The following ZAP70 variants were observed in gnomAD, a reference collection of about 807,000 sequenced individuals.
ZAP70 encodes the protein zeta chain of T cell receptor associated protein kinase 70.
ZAP70 carries 27 observed loss-of-function variants against 65.8 expected under a neutral mutation model. The ratio of observed to expected loss-of-function variants is 0.41; its 90% CI spans 0.30 to 0.57. The LOEUF is 0.57. ZAP70 is among the 20% of genes least tolerant of loss of function. ZAP70 has a pLI of 0.28. For missense variants in ZAP70, 696 were observed against 870.5 expected (o/e 0.80, Z 2.52); for synonymous variants, 363 against 360.8 (o/e 1.01, Z -0.07).
chr2:97,735,460 A>G lies in ZAP70; in HGVS notation c.1289+4A>G, dbSNP rs1553576289. On this transcript the variant is annotated splice_donor_region_variant and intron_variant, in intron 10 of 13. Coordinates refer to ENST00000264972, the MANE Select transcript of ZAP70 (RefSeq NM_001079.4). ...ACAAGTTCCTGGTCGGCAAGAGGTG[A>G]GCACCGGGTGGGCCCGGCCATCGGG... The G allele has an allele frequency of 6.2e-7, 1 of 1,607,222 alleles. No homozygotes were observed. Among genetic ancestry groups the G allele is most frequent in the Non-Finnish European group, 8.5e-7 (1 of 1,175,450 alleles).
At position 97,738,109 on chromosome 2, in the gene ZAP70, T is replaced by C; in HGVS notation, c.1736+2T>C. On this transcript the variant is annotated splice_donor_variant, in intron 13 of 13. Transcript: ENST00000264972. LOFTEE classifies it high-confidence loss of function. ...CATGAGTGACTGCTGGATCTACAAG[T>C]GAGTGCCAGTGGGGAGGGGACCCGG... 6.3e-7 allele frequency: 1 copy of C among 1,592,266 alleles called. No individual in the cohort carries two copies.
At position 97,737,595 on chromosome 2, in the gene ZAP70, A is replaced by G. The variant is rs1176359520; in HGVS notation, c.1412A>G (p.Asn471Ser). ...GCGGCCCGCAACGTCCTGCTGGTTA[A>G]CCGGCACTACGCCAAGATCAGCGAC... ...DLAARNVLLV[N>S]RHYAKISDFG... is the part of the protein sequence containing the mutation. The change falls in exon 11 of 14, where the codon AAC (asparagine) becomes AGC (serine). Residue 471 changes from asparagine (N) to serine (S), a missense_variant. Asn to Ser is a conservative substitution (Grantham distance 46). Around this residue, in one of 3 missense-constraint regions of ZAP70, gnomAD observed 67 missense variants for 151.9 expected, o/e 0.44. Coordinates refer to ENST00000264972, the MANE Select transcript of ZAP70 (RefSeq NM_001079.4). This position sits in a 1 kb window ranked among gnomAD's most constrained non-coding sequence, Gnocchi z 5.0. The G allele has an allele frequency of 6.2e-7, 1 of 1,614,124 alleles. No homozygotes were observed. Among genetic ancestry groups the G allele is most frequent in the Non-Finnish European group, 8.5e-7 (1 of 1,179,994 alleles).
intron 2 of ZAP70, among the ~76,000 whole-genome samples, chr2:97,723,449 C>T (rs1487412432): frequency 3.3e-5 from 5 of 152,246 alleles, no homozygotes; most frequent in Non-Finnish European, 7.3e-5. Context: ...AAGTTGGCTC[C>T]TCCTCCTTCA....
In ZAP70 at chr2:97,721,481, T is replaced by C. The variant is rs148918231; in HGVS notation, c.-21-2535T>C. ...CAGGCTGGAGTGCAATGGCGTGACC[T>C]CAGCTCACTGCAAGCTCTGCCTCCT... is the stretch of plus-strand genomic sequence containing the variant. On this transcript the variant is annotated intron_variant, in intron 2 of 13. Coordinates refer to ENST00000264972, the MANE Select transcript of ZAP70 (RefSeq NM_001079.4). Among the ~76,000 whole-genome samples, 293 of 151,796 alleles carry C rather than the reference T, an allele frequency of 1.9e-3. 2 individuals are homozygous for C. The highest frequency in any genetic ancestry group is 6.8e-3 in the African/African-American group (283 of 41,384).
At chr2:97,754,309 G>T in the ZAP70 span, among the ~76,000 whole-genome samples, 1 of 150,816 alleles carries the variant, frequency 6.6e-6, no homozygotes, top group Non-Finnish European at 1.5e-5. Context: ...AGTTTGGTCG[G>T]GGGGGGTCTC....
chr2:97,734,695 C>A lies in ZAP70; in HGVS notation c.1065C>A (p.Gly355=), dbSNP rs201207626. The change falls in exon 9 of 14, where the codon GGC becomes GGA. Residue 355 remains glycine (G), a synonymous_variant. Transcript: ENST00000264972. ...GCGNFGSVRQ[G]VYRMRKKQID... is the part of the protein sequence containing the mutation. ...GCAACTTTGGCTCAGTGCGCCAGGG[C>A]GTGTACCGCATGCGCAAGTATGGCC... 1.9e-6 allele frequency: 3 copies of A among 1,613,962 alleles called. No homozygotes were observed. The highest frequency in any genetic ancestry group is 2.5e-6 in the Non-Finnish European group (3 of 1,180,012).
chr2:97,720,793 C>A (rs573236134), intron 2 of ZAP70, among the ~76,000 whole-genome samples: 188 of 152,312 alleles, frequency 1.2e-3, no homozygotes, highest in Non-Finnish European at 2.1e-3. Flanking sequence ...TCAAGCTTGG[C>A]CCTCCCAACC....
chr2:97,737,349 T>G lies in ZAP70; in HGVS notation c.1290-124T>G. The stretch of plus-strand genomic sequence containing the variant: ...CCCACGCCTGGCACACAGCAGGTGC[T>G]CAATAAGCGTTTTTGAACACATGGT... On this transcript the variant is annotated intron_variant, in intron 10 of 13. Transcript: ENST00000264972. This position sits in a 1 kb window ranked among gnomAD's most constrained non-coding sequence, Gnocchi z 5.0. 1 of 995,978 alleles carries G rather than the reference T, an allele frequency of 1.0e-6. No individual in the cohort carries two copies. Among genetic ancestry groups the G allele is most frequent in the Non-Finnish European group, 1.6e-6 (1 of 643,436 alleles). The allele number at this position is 995,978 out of a possible 1,614,324, so 61.7% of individuals were successfully genotyped here.
Position 97,738,085 on chromosome 2 carries a change from A to C in ZAP70, c.1714A>C (p.Met572Leu). The change falls in exon 13 of 14, where the codon ATG (methionine) becomes CTG (leucine). Residue 572 changes from methionine (M) to leucine (L), a missense_variant. Around this residue, in one of 3 missense-constraint regions of ZAP70, gnomAD observed 78 missense variants for 88.6 expected, o/e 0.88. Transcript: ENST00000264972. ...GTGTCCACCCGAACTGTACGCACTC[A>C]TGAGTGACTGCTGGATCTACAAGTG... ...PECPPELYAL[M>L]SDCWIYKWED... 1.2e-6 allele frequency: 2 copies of C among 1,605,716 alleles called. No homozygotes were observed. The highest frequency in any genetic ancestry group is 1.7e-6 in the Non-Finnish European group (2 of 1,175,738).
rs1294385260 is a variant in ZAP70, at chr2:97,715,863, G to T, written c.-22+1869G>T. Among the ~76,000 whole-genome samples, 1 of 152,248 alleles carries T rather than the reference G, an allele frequency of 6.6e-6. No individual in the cohort carries two copies. On this transcript the variant is annotated intron_variant, in intron 2 of 13. Transcript: ENST00000264972. The surrounding 1 kb of genome is among the most constrained non-coding windows in gnomAD (Gnocchi z 4.1). The stretch of plus-strand genomic sequence containing the variant: ...CAGTCCCCAGCACAGAGGCTGTTGT[G>T]ATTGTCCTTACACACTTGACAAATA...
rs58292075 is a variant in ZAP70, at chr2:97,736,177, AT to A, written c.1289+734del. 4.3e-3 allele frequency among the ~76,000 whole-genome samples: 637 copies of A among 146,996 alleles called. 3 individuals are homozygous for A. The highest frequency in any genetic ancestry group is 0.012 in the East Asian group (62 of 5,050). On this transcript the variant is annotated intron_variant, in intron 10 of 13. Coordinates refer to ENST00000264972, the MANE Select transcript of ZAP70 (RefSeq NM_001079.4). This position sits in a 1 kb window ranked among gnomAD's most constrained non-coding sequence, Gnocchi z 4.0. Reference sequence around the variant, plus strand: ...CGTGCTGCGTGGTTTTCTATTTTTAATTTTTTTTTTTTTAAAGAAACAAAAA... The same window carrying A: ...CGTGCTGCGTGGTTTTCTATTTTTAATTTTTTTTTTTTAAAGAAACAAAAA...
chr2:97,727,317 G>A lies in ZAP70; in HGVS notation c.563+2065G>A, dbSNP rs534316667. Reference sequence around the variant, plus strand: ...GAAGCAAGTTGTCGTGAAGGTATGGGCATTGTGAACATGGGTGTTGGGGGC... The same window carrying A: ...GAAGCAAGTTGTCGTGAAGGTATGGACATTGTGAACATGGGTGTTGGGGGC... On this transcript the variant is annotated intron_variant, in intron 4 of 13. Coordinates refer to ENST00000264972, the MANE Select transcript of ZAP70 (RefSeq NM_001079.4). Among the ~76,000 whole-genome samples the A allele has an allele frequency of 2.3e-4, 35 of 152,358 alleles. No homozygotes were observed. In the South Asian group the frequency reaches 6.8e-3, roughly 30 times the overall value.
In ZAP70 at chr2:97,735,230, C is replaced by T. The variant is rs1047175392; in HGVS notation, c.1083-20C>T. ...GCCGGTGCCCCTCGCCCACGTGCCT[C>T]CCGTGGCCGGGTCGGGCAGGAAGCA... is the stretch of plus-strand genomic sequence containing the variant. On this transcript the variant is annotated intron_variant, in intron 9 of 13. Transcript: ENST00000264972. 6.2e-7 allele frequency: 1 copy of T among 1,613,548 alleles called. No individual in the cohort carries two copies.
downstream of ZAP70, among the ~76,000 whole-genome samples, chr2:97,741,177 C>T (rs895455372): frequency 6.6e-6 from 1 of 152,156 alleles, no homozygotes; most frequent in African/African-American, 2.4e-5. Flanking sequence ...AGTCTAGACA[C>T]GTTCCAGAGG....
intron 8 of ZAP70, 66 bp downstream of exon 8, chr2:97,733,661 G>A: frequency 6.2e-7 from 1 of 1,605,072 alleles, no homozygotes; most frequent in South Asian, 1.1e-5. Flanking sequence ...GTCGCTGTCA[G>A]GGCTGTGGGG....
intron 2 of ZAP70, among the ~76,000 whole-genome samples, chr2:97,719,241 T>C (rs1376330218): frequency 6.6e-6 from 1 of 151,342 alleles, no homozygotes; most frequent in African/African-American, 2.4e-5. Flanking sequence ...AAGGAGATGA[T>C]GCCAGCACCA....
At chr2:97,722,609 C>CA (rs146313926) in intron 2 of ZAP70, among the ~76,000 whole-genome samples, 5,884 of 152,110 alleles carry the variant, frequency 0.039, 320 homozygotes, top group African/African-American at 0.12. Flanking sequence ...CAGAAACTCA[C>CA]AAAAAAACAA....
chr2:97,753,207 T>G, the ZAP70 span, among the ~76,000 whole-genome samples: 77 of 152,322 alleles, frequency 5.1e-4, no homozygotes, highest in African/African-American at 1.8e-3. Flanking sequence ...TTGTAAAATG[T>G]TATAAAAAAC....
intron 4 of ZAP70, among the ~76,000 whole-genome samples, chr2:97,725,604 C>T (rs1346536323): frequency 6.6e-6 from 1 of 152,188 alleles, no homozygotes; most frequent in Non-Finnish European, 1.5e-5. Context: ...GCACTGAGCA[C>T]ACGGCAGTGA....
Sources: gnomAD v4.1 joint callset for allele counts (sites outside exome capture counted in the v4.1 genomes callset) on GRCh38, gnomAD v4.1.1 for gene constraint, gnomAD v4.1.1 regional missense constraint, Gnocchi (gnomAD v3.1) non-coding constraint, MANE v1.5 for transcripts, NCBI Gene and HGNC (gene_info 2026-07-23, HGNC 2026-07-21) for gene names.